Variants in PIK3R4 observed in about 807,000 individuals in gnomAD.
PIK3R4 encodes the protein phosphoinositide 3-kinase regulatory subunit 4.
In PIK3R4, 46 loss-of-function variants were observed where a neutral mutation model predicts 136.5. That is an observed-to-expected ratio of 0.34 (90% CI 0.27 to 0.43). PIK3R4 has a LOEUF of 0.43. PIK3R4 is among the 20% of genes least tolerant of loss of function. The pLI is 1.00. For missense variants in PIK3R4, 1,331 were observed against 1,649.5 expected (o/e 0.81, Z 3.35); for synonymous variants, 557 against 566.7 (o/e 0.98, Z 0.24).
At chr3:130,725,808 T>C (rs986178498) in intron 6 of PIK3R4, 4 of 151,982 alleles carry the variant, frequency 2.6e-5, no homozygotes, top group Admixed American at 2.6e-4. Context: ...ATTCATAGAA[T>C]TAGAAATATG....
At chr3:130,686,568 A>G (rs2066492468) in intron 14 of PIK3R4, 146 bp from the exon 15 acceptor site, 1 of 603,502 alleles carries the variant, frequency 1.7e-6, no homozygotes. Context: ...CACATTAAAA[A>G]AATTCCAGAT....
At position 130,679,137 on chromosome 3, in the gene PIK3R4, T is replaced by TA. The variant is rs1319128974; in HGVS notation, c.*177dup. On this transcript the variant is annotated 3_prime_UTR_variant, in exon 20 of 20. Transcript: ENST00000356763. ...TGATTCTTGCAAAGAGATGCATAAG[T>TA]AAACTAGTCAAGTACATCTTAACCA... is the stretch of plus-strand genomic sequence containing the variant. The TA allele has an allele frequency of 5.4e-6, 2 of 373,538 alleles. No individual in the cohort carries two copies. The highest frequency in any genetic ancestry group is 4.7e-6 in the Non-Finnish European group (1 of 210,766). 23.1% of individuals were successfully genotyped at this position (373,538 alleles called of 1,614,324 possible). A position where few individuals can be genotyped will look rare whatever the true frequency, so the allele number is the denominator to read the frequency against.
In PIK3R4 at chr3:130,706,978, G is replaced by A; in HGVS notation, c.2691C>T (p.Gly897=). The change falls in exon 11 of 20, where the codon GGC becomes GGT. Residue 897 remains glycine, a synonymous_variant. Coordinates refer to ENST00000356763, the MANE Select transcript of PIK3R4 (RefSeq NM_014602.3). The part of the protein sequence containing the change: ...GKPPRSESSA[G]ICVPLSTSSQ... Reference sequence around the variant, plus strand: ...AAGAAGTTGACAAAGGGACACAAATGCCAGCAGAGGACTCGGAACGAGGAG... The same window carrying A: ...AAGAAGTTGACAAAGGGACACAAATACCAGCAGAGGACTCGGAACGAGGAG... 1 of 1,611,432 alleles carries A rather than the reference G, an allele frequency of 6.2e-7. No individual in the cohort carries two copies. Among genetic ancestry groups the A allele is most frequent in the Non-Finnish European group, 8.5e-7 (1 of 1,178,954 alleles).
intron 13 of PIK3R4, among the ~76,000 whole-genome samples, chr3:130,693,891 TA>T (rs928711531): frequency 3.3e-5 from 5 of 152,188 alleles, no homozygotes; most frequent in African/African-American, 1.2e-4. Flanking sequence ...TGTTTTCTTC[TA>T]AGTTTTATGG....
At chr3:130,713,945 T>G (rs1358889272) in intron 9 of PIK3R4, among the ~76,000 whole-genome samples, 1 of 152,188 alleles carries the variant, frequency 6.6e-6, no homozygotes, top group Non-Finnish European at 1.5e-5. Flanking sequence ...GTGCTGAGAT[T>G]ACAGGCATGA....
intron 11 of PIK3R4, among the ~76,000 whole-genome samples, chr3:130,706,035 A>G (rs1234514292): frequency 6.6e-6 from 1 of 152,206 alleles, no homozygotes; most frequent in Non-Finnish European, 1.5e-5. Flanking sequence ...AAATAACATT[A>G]AACAAAAATT....
intron 13 of PIK3R4, among the ~76,000 whole-genome samples, chr3:130,698,966 C>T (rs1412138995): frequency 6.6e-6 from 1 of 152,184 alleles, no homozygotes; most frequent in Non-Finnish European, 1.5e-5. Context: ...TTGTGGCACA[C>T]CTTCAACACT....
chr3:130,696,726 C>G (rs1210213796), intron 13 of PIK3R4, among the ~76,000 whole-genome samples: 1 of 152,092 alleles, frequency 6.6e-6, no homozygotes, highest in Admixed American at 6.5e-5. Flanking sequence ...TTCTGCTGTT[C>G]CTGAGTGGAG....
intron 2 of PIK3R4, among the ~76,000 whole-genome samples, chr3:130,739,278 G>A (rs1387638609): frequency 5.9e-5 from 9 of 152,022 alleles, no homozygotes; most frequent in Admixed American, 2.0e-4. Flanking sequence ...GGGTTTCACC[G>A]TGTTAGCCAA....
intron 5 of PIK3R4, among the ~76,000 whole-genome samples, chr3:130,729,219 CTTAT>C (rs1334170851): frequency 2.0e-5 from 3 of 152,166 alleles, no homozygotes; most frequent in Non-Finnish European, 2.9e-5. Context: ...CTTTTTCTCA[CTTAT>C]TTATTTACTT....
intron 6 of PIK3R4, 130 bp from the exon 7 acceptor site, chr3:130,723,717 T>C (rs988078285): frequency 1.8e-5 from 12 of 673,492 alleles, no homozygotes; most frequent in African/African-American, 1.1e-4. Flanking sequence ...TTGCACTTCC[T>C]ACCCAGCATG....
chr3:130,732,046 A>G (rs2066762571), intron 4 of PIK3R4, among the ~76,000 whole-genome samples: 1 of 152,184 alleles, frequency 6.6e-6, no homozygotes, highest in Admixed American at 6.5e-5. Context: ...CTCTCACCAT[A>G]AAGACCCAGA....
Position 130,723,514 on chromosome 3 carries a change from A to G in PIK3R4, c.1881T>C (p.Ala627=). The G allele has an allele frequency of 6.2e-7, 1 of 1,614,136 alleles. No homozygotes were observed. Among genetic ancestry groups the G allele is most frequent in the South Asian group, 1.1e-5 (1 of 91,078 alleles). Residue 627 remains alanine, a synonymous_variant, in exon 7 of 20, where the codon GCT becomes GCC. Transcript: ENST00000356763. The stretch of plus-strand genomic sequence containing the variant: ...GAGCTTTCACAATGACAAATTCCTC[A>G]GCATCACTAAGACCTTGTTGCAGCA... ...KPLLQQGLSD[A]EEFVIVKALY... is the part of the protein sequence containing the mutation.
intron 10 of PIK3R4, among the ~76,000 whole-genome samples, chr3:130,707,900 T>C (rs908542958): frequency 7.9e-5 from 12 of 152,324 alleles, no homozygotes; most frequent in African/African-American, 2.9e-4. Flanking sequence ...CACTGGGCAT[T>C]ACCTACTACT....
chr3:130,717,215 T>C (rs1275643543), intron 8 of PIK3R4, among the ~76,000 whole-genome samples: 6 of 152,136 alleles, frequency 3.9e-5, no homozygotes, highest in Admixed American at 1.3e-4. Context: ...TTCCTTTAGA[T>C]ATATTTAACT....
intron 10 of PIK3R4, 52 bp downstream of exon 10, chr3:130,708,239 T>C: frequency 7.0e-7 from 1 of 1,428,104 alleles, no homozygotes; most frequent in Non-Finnish European, 9.8e-7. Flanking sequence ...AAAACAGTCT[T>C]ATGAAATAAC....
intron 5 of PIK3R4, 69 bp downstream of exon 5, chr3:130,730,239 T>C (rs539465411): frequency 3.2e-6 from 4 of 1,266,232 alleles, no homozygotes; most frequent in East Asian, 4.8e-5. Flanking sequence ...CTACAAATGA[T>C]AGTTTTACAA....
At chr3:130,721,787 TCA>T (rs1348998236) in intron 7 of PIK3R4, among the ~76,000 whole-genome samples, 1 of 152,088 alleles carries the variant, frequency 6.6e-6, no homozygotes, top group African/African-American at 2.4e-5. Context: ...ATACAAAAAT[TCA>T]GTTAGACAAG....
chr3:130,744,149 A>C (rs1218629113), intron 2 of PIK3R4, among the ~76,000 whole-genome samples: 1 of 152,228 alleles, frequency 6.6e-6, no homozygotes, highest in Non-Finnish European at 1.5e-5. Flanking sequence ...ACCGCATTGA[A>C]ATGTCCTTTT....
Sources: gnomAD v4.1 joint callset for allele counts (sites outside exome capture counted in the v4.1 genomes callset) on GRCh38, gnomAD v4.1.1 for gene constraint, MANE v1.5 for transcripts, NCBI Gene and HGNC (gene_info 2026-07-23, HGNC 2026-07-21) for gene names.